The following GFRA1 variants were observed in gnomAD, a reference collection of about 807,000 sequenced individuals.
The protein encoded by GFRA1 is GDNF family receptor alpha-1.
A neutral mutation model predicts 51.6 loss-of-function variants in GFRA1; 16 were observed. The ratio of observed to expected loss-of-function variants is 0.31; its 90% CI spans 0.21 to 0.47. GFRA1 has a LOEUF of 0.47. GFRA1 is among the 20% of genes least tolerant of loss of function. GFRA1 has a pLI of 1.00. For synonymous variants in GFRA1, 270 were observed against 241.3 expected (o/e 1.12, Z -1.10); for missense variants, 530 against 594.3 (o/e 0.89, Z 1.13).
At position 116,196,737 on chromosome 10, in the gene GFRA1, CTA is replaced by C. The variant is rs1311913276; in HGVS notation, c.433+14892_433+14893del. ...ATAGTACTATATATAATATATAATA[CTA>C]TATATAATATATATTATATATTATA... is the stretch of plus-strand genomic sequence containing the variant. On this transcript the variant is annotated intron_variant, in intron 5 of 10. Transcript: ENST00000355422. 1.8e-3 allele frequency among the ~76,000 whole-genome samples: 152 copies of C among 86,544 alleles called. 12 individuals carry two copies. The highest frequency in any genetic ancestry group is 2.5e-3 in the Non-Finnish European group (113 of 44,830). The allele number at this position is 86,544 out of a possible 152,430, so 56.8% of individuals were successfully genotyped here.
At chr10:116,105,367 A>G (rs1401962392) in intron 6 of GFRA1, among the ~76,000 whole-genome samples, 1 of 152,236 alleles carries the variant, frequency 6.6e-6, no homozygotes, top group Non-Finnish European at 1.5e-5. Context: ...TTAAAACTCT[A>G]GACCAACACA....
chr10:116,251,963 CTTTTTTTTTTT>C (rs3032041), intron 4 of GFRA1, among the ~76,000 whole-genome samples: 8 of 79,802 alleles, frequency 1.0e-4, no homozygotes, highest in African/African-American at 1.4e-4. Context: ...CAATAGGCCT[CTTTTTTTTTTT>C]TTTTTTTTTT....
intron 4 of GFRA1, among the ~76,000 whole-genome samples, chr10:116,238,899 A>T (rs1159067808): frequency 1.3e-5 from 2 of 152,222 alleles, no homozygotes; most frequent in Non-Finnish European, 2.9e-5. Flanking sequence ...TAGCATTTGC[A>T]ATTTCCCTAA....
chr10:116,070,574 G>A (rs1955334759), intron 9 of GFRA1, among the ~76,000 whole-genome samples: 1 of 152,136 alleles, frequency 6.6e-6, no homozygotes, highest in African/African-American at 2.4e-5. Context: ...CATTCACACT[G>A]TATTTTAATA....
chr10:116,080,064 G>GCACTT lies in GFRA1; in HGVS notation c.1197+9672_1197+9676dup, dbSNP rs1356667956. Among the ~76,000 whole-genome samples the GCACTT allele has an allele frequency of 2.6e-5, 4 of 152,120 alleles. No individual in the cohort carries two copies. In the East Asian group the frequency reaches 7.7e-4, roughly 29 times the overall value. On this transcript the variant is annotated intron_variant, in intron 9 of 10. Coordinates refer to ENST00000355422, the MANE Select transcript of GFRA1 (RefSeq NM_005264.8). ...CCATAACCCAGCCTGATCCTTAAGG[G>GCACTT]CACTTCTCTGACACTGAAGGTGGGA...
intron 5 of GFRA1, among the ~76,000 whole-genome samples, chr10:116,188,971 G>A (rs114374458): frequency 0.029 from 4,414 of 151,316 alleles, 229 homozygotes; most frequent in African/African-American, 0.1. Context: ...AAATAAGGGT[G>A]GGGGCAGGCA....
intron 6 of GFRA1, among the ~76,000 whole-genome samples, chr10:116,107,116 T>C (rs1438546688): frequency 1.3e-5 from 2 of 152,196 alleles, no homozygotes; most frequent in Non-Finnish European, 2.9e-5. Context: ...TATCTCTTTA[T>C]AGCAATGCAA....
chr10:116,199,689 T>C (rs1033384552), intron 5 of GFRA1, among the ~76,000 whole-genome samples: 1 of 152,242 alleles, frequency 6.6e-6, no homozygotes, highest in African/African-American at 2.4e-5. Flanking sequence ...GAACACATCA[T>C]TGACCAGGGT....
chr10:116,173,141 T>C lies in GFRA1; in HGVS notation c.433+38490A>G, dbSNP rs902855255. ...AAATTGGAAATTGCTGTATGTTAAG[T>C]TTCTTACATCAATACACATTTAAAA... On this transcript the variant is annotated intron_variant, in intron 5 of 10. Transcript: ENST00000355422. Among the ~76,000 whole-genome samples the C allele has an allele frequency of 9.8e-5, 15 of 152,286 alleles. 2 individuals carry two copies. Among genetic ancestry groups the C allele is most frequent in the Admixed American group, 6.5e-4 (10 of 15,292 alleles).
chr10:116,148,944 G>T (rs1335500238), intron 5 of GFRA1, among the ~76,000 whole-genome samples: 2 of 152,102 alleles, frequency 1.3e-5, no homozygotes, highest in African/African-American at 4.8e-5. Flanking sequence ...TTAAAGAAAA[G>T]AAATTGTTTT....
intron 9 of GFRA1, among the ~76,000 whole-genome samples, chr10:116,084,921 A>G (rs1039233075): frequency 6.7e-6 from 1 of 148,492 alleles, no homozygotes; most frequent in African/African-American, 2.5e-5. Context: ...TTTCCATATG[A>G]CCATTTCATA....
intron 4 of GFRA1, among the ~76,000 whole-genome samples, chr10:116,267,000 C>T (rs1026824515): frequency 6.6e-6 from 1 of 152,014 alleles, no homozygotes; most frequent in African/African-American, 2.4e-5. Flanking sequence ...CATTGCTAGC[C>T]GGTGTAGTGG....
chr10:116,099,215 G>C (rs550921604), intron 6 of GFRA1, among the ~76,000 whole-genome samples: 1 of 152,330 alleles, frequency 6.6e-6, no homozygotes, highest in South Asian at 2.1e-4. Flanking sequence ...GAATTTTGCA[G>C]GTTGGTTAAT....
chr10:116,064,333 G>C lies in GFRA1; in HGVS notation c.*65C>G. 1 of 1,412,052 alleles carries C rather than the reference G, an allele frequency of 7.1e-7. No individual in the cohort carries two copies. Among genetic ancestry groups the C allele is most frequent in the Non-Finnish European group, 9.9e-7 (1 of 1,006,050 alleles). The allele number at this position is 1,412,052 out of a possible 1,614,324, so 87.5% of individuals were successfully genotyped here. ...AAACTGGAATTTCAGCTATACAAGAGAACAGGAAACAGATAACTTGGTTTT... is the reference window on the plus strand; with the variant it reads ...AAACTGGAATTTCAGCTATACAAGACAACAGGAAACAGATAACTTGGTTTT... On this transcript the variant is annotated 3_prime_UTR_variant, in exon 11 of 11. Transcript: ENST00000355422.
intron 9 of GFRA1, among the ~76,000 whole-genome samples, chr10:116,070,645 C>T (rs988480986): frequency 5.9e-5 from 9 of 151,748 alleles, no homozygotes; most frequent in African/African-American, 9.7e-5. Context: ...CTATTGTGTA[C>T]GTGATACCAA....
chr10:116,177,047 C>T (rs535858280), intron 5 of GFRA1, among the ~76,000 whole-genome samples: 1 of 152,192 alleles, frequency 6.6e-6, no homozygotes, highest in African/African-American at 2.4e-5. Context: ...ATTTACCTGG[C>T]TTGTTTAGGG....
intron 4 of GFRA1, among the ~76,000 whole-genome samples, chr10:116,218,386 C>T (rs1288810537): frequency 6.6e-6 from 1 of 152,174 alleles, no homozygotes; most frequent in Non-Finnish European, 1.5e-5. Flanking sequence ...GAGAGCTGTT[C>T]TGTTCTCTAT....
chr10:116,064,174 C>G lies in GFRA1; in HGVS notation c.*224G>C, dbSNP rs1589757347. 15 of 537,766 alleles carry G rather than the reference C, an allele frequency of 2.8e-5. No individual in the cohort carries two copies. In the East Asian group the frequency reaches 4.9e-4, roughly 18 times the overall value. 33.3% of individuals were successfully genotyped at this position (537,766 alleles called of 1,614,324 possible). On this transcript the variant is annotated 3_prime_UTR_variant, in exon 11 of 11. Transcript: ENST00000355422. The stretch of plus-strand genomic sequence containing the variant: ...TGTCCCTTTAAAATACAGCATATCC[C>G]AAAGCCTTCTGAGTTTGGATGGAGC...
rs373323812 is a variant in GFRA1, at chr10:116,202,888, C to T, written c.433+8743G>A. ...TAGCCCCCTTGATGGCAGACCCTGGCTACTTTTCTGAGGATGGGGTGCTGA... is the reference window on the plus strand; with the variant it reads ...TAGCCCCCTTGATGGCAGACCCTGGTTACTTTTCTGAGGATGGGGTGCTGA... On this transcript the variant is annotated intron_variant, in intron 5 of 10. Transcript: ENST00000355422. 2.0e-4 allele frequency among the ~76,000 whole-genome samples: 31 copies of T among 152,274 alleles called. 1 individual carries two copies. The highest frequency in any genetic ancestry group is 3.4e-4 in the African/African-American group (14 of 41,542).
Sources: gnomAD v4.1 joint callset for allele counts (sites outside exome capture counted in the v4.1 genomes callset) on GRCh38, gnomAD v4.1.1 for gene constraint, MANE v1.5 for transcripts, NCBI Gene and HGNC (gene_info 2026-07-23, HGNC 2026-07-21) for gene names.